CDH4: variants seen among roughly 807,000 people sequenced by gnomAD.
The protein encoded by CDH4 is cadherin-4.
In CDH4, 33 loss-of-function variants were observed where a neutral mutation model predicts 86.0. That is an observed-to-expected ratio of 0.38 (90% CI 0.29 to 0.51). The LOEUF (loss-of-function observed/expected upper bound fraction) is 0.51, where lower values mean the gene tolerates loss of function less well. CDH4 is among the 20% of genes least tolerant of loss of function. CDH4 has a pLI of 0.86. For synonymous variants in CDH4, 555 were observed against 549.4 expected, an observed-to-expected ratio of 1.01 and a Z score of -0.14; for missense variants, 1,114 against 1,307.4, an observed-to-expected ratio of 0.85 and a Z score of 2.28.
chr20:61,690,717 C>T (rs180750848), intron 2 of CDH4, among the ~76,000 whole-genome samples: 1 of 152,256 alleles, frequency 6.6e-6, no homozygotes, highest in Admixed American at 6.5e-5. Flanking sequence ...CCCCACCCAC[C>T]GACCAGGGAG....
intron 2 of CDH4, among the ~76,000 whole-genome samples, chr20:61,710,295 G>C (rs980953377): frequency 6.6e-6 from 1 of 152,198 alleles, no homozygotes; most frequent in African/African-American, 2.4e-5. Flanking sequence ...TCACCTCTCT[G>C]AGCCTGGTGT....
At chr20:61,262,130 G>A (rs1013300579) in intron 2 of CDH4, among the ~76,000 whole-genome samples, 2 of 152,180 alleles carry the variant, frequency 1.3e-5, no homozygotes, top group African/African-American at 4.8e-5. Flanking sequence ...TGTGACATGG[G>A]GCACCAGGAA....
chr20:61,886,149 G>A (rs1984529676), intron 7 of CDH4, among the ~76,000 whole-genome samples: 2 of 152,226 alleles, frequency 1.3e-5, no homozygotes, highest in South Asian at 4.1e-4. Context: ...CAGCCTGGCA[G>A]ATGAGACCAT....
chr20:61,736,812 C>T (rs1047732825), intron 2 of CDH4, among the ~76,000 whole-genome samples: 1 of 152,122 alleles, frequency 6.6e-6, no homozygotes, highest in African/African-American at 2.4e-5. Context: ...GGGCGGGGGC[C>T]ACAGAAACTC....
intron 2 of CDH4, among the ~76,000 whole-genome samples, chr20:61,696,032 C>T (rs1436462695): frequency 6.6e-6 from 1 of 152,228 alleles, no homozygotes; most frequent in Non-Finnish European, 1.5e-5. Context: ...CTGGGCTGCA[C>T]CTCCTAGCCT....
intron 2 of CDH4, among the ~76,000 whole-genome samples, chr20:61,711,792 A>G (rs542118349): frequency 6.6e-6 from 1 of 152,156 alleles, no homozygotes; most frequent in Non-Finnish European, 1.5e-5. Flanking sequence ...GGGCTGAAAC[A>G]TACAAGATAT....
intron 2 of CDH4, among the ~76,000 whole-genome samples, chr20:61,619,946 C>T (rs528213693): frequency 1.3e-5 from 2 of 152,318 alleles, no homozygotes; most frequent in South Asian, 4.1e-4. Flanking sequence ...GCACCAGGGC[C>T]TCCATGACGC....
rs995549982 is a variant in CDH4 at position 61,854,589 on chromosome 20, T to C, written c.877+1691T>C. Among the ~76,000 whole-genome samples the C allele has an allele frequency of 1.1e-4, 14 of 129,570 alleles. 1 individual carries two copies. In the South Asian group the frequency reaches 1.3e-3, roughly 12 times the overall value. 85.0% of individuals were successfully genotyped at this position (129,570 alleles called of 152,430 possible). A position where few individuals can be genotyped will look rare whatever the true frequency, so the allele number is the denominator to read the frequency against. Reference sequence around the variant, plus strand: ...GCTGCAGTGTGAACAGGGTGAATTGTGCCCTTGGTCCGCCCCCAGGGCTGC... The same window carrying C: ...GCTGCAGTGTGAACAGGGTGAATTGCGCCCTTGGTCCGCCCCCAGGGCTGC... On this transcript the variant is annotated intron_variant, in intron 6 of 15. Transcript: ENST00000614565.
intron 2 of CDH4, among the ~76,000 whole-genome samples, chr20:61,360,634 AC>A (rs1237100288): frequency 2.0e-5 from 3 of 152,214 alleles, no homozygotes; most frequent in Non-Finnish European, 4.4e-5. Context: ...CAGCCTGGGG[AC>A]ATGTGGCAAT....
At chr20:61,565,329 TGATGGTGGTAGTGGTCCTCTTGGTGATGG>T in intron 2 of CDH4, among the ~76,000 whole-genome samples, 1 of 68,614 alleles carries the variant, frequency 1.5e-5, no homozygotes, top group African/African-American at 4.5e-5. Flanking sequence ...GTGCTCTTGG[TGATGGTGGTAGTGGTCCTCTTGGTGATGG>T]GGTGATGGTG....
At chr20:61,264,144 C>T (rs549358400) in intron 2 of CDH4, among the ~76,000 whole-genome samples, 6 of 152,292 alleles carry the variant, frequency 3.9e-5, no homozygotes, top group Admixed American at 2.0e-4. Context: ...TGACCACATG[C>T]GTGTCTGACG....
At chr20:61,793,572 T>G (rs2146019733) in intron 4 of CDH4, among the ~76,000 whole-genome samples, 1 of 152,008 alleles carries the variant, frequency 6.6e-6, no homozygotes, top group East Asian at 2.0e-4. Flanking sequence ...CCGGGCGCAG[T>G]GGCTCACGCC....
intron 6 of CDH4, among the ~76,000 whole-genome samples, chr20:61,861,281 G>A (rs766131000): frequency 6.6e-5 from 10 of 152,308 alleles, no homozygotes; most frequent in South Asian, 6.2e-4. Context: ...AAATGCGGCC[G>A]GCGGCATTCA....
intron 6 of CDH4, among the ~76,000 whole-genome samples, chr20:61,857,077 C>T (rs1160285317): frequency 6.6e-6 from 1 of 152,218 alleles, no homozygotes; most frequent in Non-Finnish European, 1.5e-5. Flanking sequence ...CCCAAGAGTC[C>T]CCGCAAAAGT....
intron 2 of CDH4, among the ~76,000 whole-genome samples, chr20:61,273,731 G>A (rs1385596783): frequency 7.3e-5 from 11 of 150,134 alleles, no homozygotes; most frequent in Admixed American, 4.0e-4. Flanking sequence ...GGGCATTTTG[G>A]GGAAGTACCA....
rs749253589 is a variant in CDH4 at position 61,714,021 on chromosome 20, T to TTTA, written c.170-29540_170-29539insATT. On this transcript the variant is annotated intron_variant, in intron 2 of 15. Coordinates refer to ENST00000614565, the MANE Select transcript of CDH4 (RefSeq NM_001794.5). ...CTGTCTTAGTCCATTGTCTATTCTTTTTTTATTTTATTTTATTTTATTTTA... is the reference window on the plus strand; with the variant it reads ...CTGTCTTAGTCCATTGTCTATTCTTTTTATTTTATTTTATTTTATTTTATTTTA... Among the ~76,000 whole-genome samples, 2 of 135,894 alleles carry TTTA rather than the reference T, an allele frequency of 1.5e-5. 1 individual carries two copies. Among genetic ancestry groups the TTTA allele is most frequent in the Non-Finnish European group, 3.1e-5 (2 of 65,124 alleles). 89.2% of individuals were successfully genotyped at this position (135,894 alleles called of 152,430 possible).
intron 2 of CDH4, among the ~76,000 whole-genome samples, chr20:61,631,832 C>A (rs946813120): frequency 6.6e-6 from 1 of 152,196 alleles, no homozygotes; most frequent in Non-Finnish European, 1.5e-5. Context: ...GGGTGGCACG[C>A]GTCCTCCGGC....
intron 2 of CDH4, among the ~76,000 whole-genome samples, chr20:61,521,202 C>G (rs774113145): frequency 1.2e-4 from 18 of 152,144 alleles, no homozygotes; most frequent in Non-Finnish European, 2.4e-4. Flanking sequence ...TCTGCAAGTC[C>G]CGCTGCTTCT....
intron 4 of CDH4, among the ~76,000 whole-genome samples, chr20:61,794,831 C>G (rs1413209260): frequency 6.6e-6 from 1 of 152,290 alleles, no homozygotes; most frequent in East Asian, 1.9e-4. Flanking sequence ...GCTCATTGCT[C>G]CAGGCACTGT....
Sources: gnomAD v4.1 joint callset for allele counts (sites outside exome capture counted in the v4.1 genomes callset) on GRCh38, gnomAD v4.1.1 for gene constraint, MANE v1.5 for transcripts, NCBI Gene and HGNC (gene_info 2026-07-23, HGNC 2026-07-21) for gene names.